The following GIGYF2 variants were observed in gnomAD, a reference collection of about 807,000 sequenced individuals.
GIGYF2 encodes GRB10-interacting GYF protein 2.
Under a neutral mutation model 208.1 loss-of-function variants are expected in GIGYF2, and 25 were observed. The ratio of observed to expected loss-of-function variants is 0.12; its 90% CI spans 0.09 to 0.17. The LOEUF (loss-of-function observed/expected upper bound fraction) is 0.17. GIGYF2 is among the 10% of genes least tolerant of loss of function. The probability of loss-of-function intolerance (pLI) is 1.00; values close to 1 mark genes in which losing one functional copy is unlikely to be tolerated. For synonymous variants in GIGYF2, 534 were observed against 543.8 expected (o/e 0.98, Z 0.25); for missense variants, 1,302 against 1,579.4 (o/e 0.82, Z 2.98).
chr2:232,711,685 A>C (rs1290295476), intron 2 of GIGYF2, among the ~76,000 whole-genome samples: 1 of 139,508 alleles, frequency 7.2e-6, no homozygotes. Context: ...TATATGAAGG[A>C]AAATTATCCT....
intron 1 of GIGYF2, among the ~76,000 whole-genome samples, chr2:232,699,717 A>G (rs1046583857): frequency 1.3e-5 from 2 of 152,182 alleles, no homozygotes; most frequent in East Asian, 3.9e-4. Flanking sequence ...TCACATTTAG[A>G]CACATGATTA....
chr2:232,756,460 C>A, intron 6 of GIGYF2, 126 bp downstream of exon 6: 1 of 567,396 alleles, frequency 1.8e-6, no homozygotes, highest in Non-Finnish European at 3.1e-6. Flanking sequence ...TACTAAATGT[C>A]CTGAATATTT....
intron 2 of GIGYF2, among the ~76,000 whole-genome samples, chr2:232,726,121 C>T (rs1697188952): frequency 6.6e-6 from 1 of 152,098 alleles, no homozygotes; most frequent in Non-Finnish European, 1.5e-5. Flanking sequence ...CTGTAATCCA[C>T]CACTTTGGGA....
chr2:232,841,086 AGAATT>A (rs2106419917), intron 23 of GIGYF2, among the ~76,000 whole-genome samples: 1 of 152,156 alleles, frequency 6.6e-6, no homozygotes, highest in South Asian at 2.1e-4. Flanking sequence ...AAAAAAAAAA[AGAATT>A]GAACTTTCTC....
chr2:232,855,234 G>GCC (rs1690518052), intron 28 of GIGYF2, among the ~76,000 whole-genome samples: 1 of 152,008 alleles, frequency 6.6e-6, no homozygotes, highest in African/African-American at 2.4e-5. Context: ...TTACAGGCGT[G>GCC]CAGCGCCACG....
chr2:232,725,385 C>T (rs752846209), intron 2 of GIGYF2, among the ~76,000 whole-genome samples: 1 of 152,182 alleles, frequency 6.6e-6, no homozygotes, highest in African/African-American at 2.4e-5. Context: ...TCCTGCACCT[C>T]CCCCTGTCCC....
At chr2:232,723,375 G>A (rs563200170) in intron 2 of GIGYF2, among the ~76,000 whole-genome samples, 1 of 151,794 alleles carries the variant, frequency 6.6e-6, no homozygotes, top group Non-Finnish European at 1.5e-5. Context: ...TAAAAAAATG[G>A]AAATTTTCTT....
intron 16 of GIGYF2, chr2:232,810,985 A>G (rs759164129): frequency 1.9e-4 from 84 of 433,924 alleles, no homozygotes; most frequent in Non-Finnish European, 2.9e-4. Context: ...TGAATAGACC[A>G]CTTTGCACTG....
chr2:232,698,453 A>G (rs1300855364), intron 1 of GIGYF2: 3 of 152,138 alleles, frequency 2.0e-5, no homozygotes, highest in Non-Finnish European at 4.4e-5. Flanking sequence ...TTTATATAGT[A>G]TGTCCTTTTT....
chr2:232,820,006 T>A (rs748341687), intron 21 of GIGYF2, 21 bp downstream of exon 21: 24 of 1,612,766 alleles, frequency 1.5e-5, no homozygotes, highest in Non-Finnish European at 2.0e-5. Flanking sequence ...GGTTTTGTCT[T>A]CTAATTGTTC....
chr2:232,712,819 G>A (rs1053331709), intron 2 of GIGYF2, among the ~76,000 whole-genome samples: 1 of 152,092 alleles, frequency 6.6e-6, no homozygotes, highest in African/African-American at 2.4e-5. Context: ...TTTAAAAAAC[G>A]ATTTAAAAAC....
intron 20 of GIGYF2, among the ~76,000 whole-genome samples, chr2:232,818,915 A>G (rs1421932483): frequency 2.0e-5 from 3 of 152,078 alleles, no homozygotes; most frequent in Non-Finnish European, 4.4e-5. Context: ...CTTGTAGTTA[A>G]GTCTTTGCTT....
chr2:232,769,505 C>CAAAA (rs34912964), intron 8 of GIGYF2, among the ~76,000 whole-genome samples: 1 of 66,514 alleles, frequency 1.5e-5, no homozygotes, highest in Non-Finnish European at 3.2e-5. Context: ...GACTCCATCT[C>CAAAA]AAAAAAAAAA....
At chr2:232,698,180 A>T (rs922783958) in intron 1 of GIGYF2, 2 of 152,238 alleles carry the variant, frequency 1.3e-5, no homozygotes, top group Admixed American at 1.3e-4. Context: ...AGCGGAGCGT[A>T]TGACCGTGTT....
chr2:232,773,125 T>C (rs1004613052), intron 8 of GIGYF2, among the ~76,000 whole-genome samples: 17 of 152,212 alleles, frequency 1.1e-4, no homozygotes, highest in African/African-American at 3.6e-4. Flanking sequence ...ATTATTTTAA[T>C]GTTTTATAAC....
In GIGYF2 at chr2:232,815,694, C is replaced by T. The variant is rs969128127; in HGVS notation, c.2165C>T (p.Ala722Val). ...CTGGACACCACGACACCAGGCCCTG[C>T]CCTGGAACAGCTTCAGCAGCTAGAG... ...LPLDTTTPGP[A>V]LEQLQQLEKA... is the part of the protein sequence containing the mutation. Residue 722 changes from alanine (A) to valine (V), a missense_variant, in exon 19 of 29, where the codon GCC becomes GTC. By Grantham distance (64) the Ala-to-Val change is moderately conservative. Coordinates refer to ENST00000373563, the MANE Select transcript of GIGYF2 (RefSeq NM_001103146.3). 2 of 1,607,392 alleles carry T rather than the reference C, an allele frequency of 1.2e-6. No homozygotes were observed. Among genetic ancestry groups the T allele is most frequent in the Non-Finnish European group, 8.5e-7 (1 of 1,173,956 alleles).
At chr2:232,791,222 T>G in intron 11 of GIGYF2, 36 bp from the exon 12 acceptor site, 1 of 1,613,944 alleles carries the variant, frequency 6.2e-7, no homozygotes, top group Non-Finnish European at 8.5e-7. Flanking sequence ...AAACCAAAAC[T>G]TTCGTAAGTT....
chr2:232,775,140 G>A (rs984298935), intron 8 of GIGYF2, among the ~76,000 whole-genome samples: 1 of 151,972 alleles, frequency 6.6e-6, no homozygotes. Context: ...AGAGAAGGAA[G>A]ATTGATTTCT....
At chr2:232,706,596 G>A (rs1223508292) in intron 2 of GIGYF2, among the ~76,000 whole-genome samples, 3 of 152,076 alleles carry the variant, frequency 2.0e-5, no homozygotes, top group Non-Finnish European at 4.4e-5. Context: ...TGACCAACAC[G>A]GCGAAACCCT....
Sources: allele counts gnomAD v4.1 joint callset (sites outside exome capture counted in the v4.1 genomes callset), GRCh38; gene constraint gnomAD v4.1.1; transcripts MANE v1.5; gene names NCBI Gene and HGNC (gene_info 2026-07-23, HGNC 2026-07-21).